RBMS1: variants seen among roughly 807,000 people sequenced by gnomAD.
RBMS1 encodes the protein RNA-binding motif, single-stranded-interacting protein 1.
RBMS1 carries 17 observed loss-of-function variants against 62.3 expected under a neutral mutation model. The observed-to-expected ratio is 0.27, with a 90% CI of 0.19 to 0.41. RBMS1 has a LOEUF of 0.41. Among genes scored for constraint, RBMS1 ranks in the 10% least tolerant of loss-of-function variants. The pLI is 1.00. For synonymous variants in RBMS1, 172 were observed against 170.0 expected (o/e 1.01, Z -0.09); for missense variants, 334 against 504.5 (o/e 0.66, Z 3.24).
rs950353835 is a variant in RBMS1 at position 160,489,368 on chromosome 2, T to C, written c.75+3921A>G. 3.9e-5 allele frequency among the ~76,000 whole-genome samples: 6 copies of C among 152,326 alleles called. No homozygotes were observed. In the East Asian group the frequency reaches 9.6e-4, roughly 24 times the overall value. ...ACTTTATTTACATCATAAATGTGGT[T>C]ACTTCTTATGACACAAAGCGCCCCA... is the stretch of plus-strand genomic sequence containing the variant. On this transcript the variant is annotated intron_variant, in intron 1 of 13. Coordinates refer to ENST00000348849, the MANE Select transcript of RBMS1 (RefSeq NM_016836.4).
chr2:160,445,085 C>G (rs1164687424), intron 1 of RBMS1, among the ~76,000 whole-genome samples: 1 of 152,160 alleles, frequency 6.6e-6, no homozygotes, highest in Admixed American at 6.6e-5. Flanking sequence ...AATAAAAGAT[C>G]TAATTTTTAC....
chr2:160,477,459 G>A (rs1169606930), intron 1 of RBMS1, among the ~76,000 whole-genome samples: 1 of 152,128 alleles, frequency 6.6e-6, no homozygotes, highest in African/African-American at 2.4e-5. Context: ...AGGCTGCAGT[G>A]CAGTGCCACA....
At chr2:160,361,073 T>C (rs1319030676) in intron 2 of RBMS1, among the ~76,000 whole-genome samples, 2 of 152,222 alleles carry the variant, frequency 1.3e-5, no homozygotes, top group Admixed American at 1.3e-4. Context: ...TTACTGCACT[T>C]GGAAACAAGT....
At chr2:160,397,775 A>G (rs1252920504) in intron 1 of RBMS1, among the ~76,000 whole-genome samples, 1 of 151,992 alleles carries the variant, frequency 6.6e-6, no homozygotes, top group Admixed American at 6.6e-5. Flanking sequence ...GCCCTTTACT[A>G]GGCTTTTGTC....
chr2:160,462,833 T>C (rs1684523258), intron 1 of RBMS1, among the ~76,000 whole-genome samples: 1 of 151,988 alleles, frequency 6.6e-6, no homozygotes, highest in South Asian at 2.1e-4. Flanking sequence ...TGACCTCAGG[T>C]GATCCACCCG....
chr2:160,282,416 C>T, intron 9 of RBMS1: 1 of 843,218 alleles, frequency 1.2e-6, no homozygotes. Flanking sequence ...TTTCTCAAAT[C>T]CAATTGCATA....
At chr2:160,306,342 G>C (rs1228864014) in intron 4 of RBMS1, among the ~76,000 whole-genome samples, 2 of 152,064 alleles carry the variant, frequency 1.3e-5, no homozygotes, top group Non-Finnish European at 2.9e-5. Context: ...GATTCAACTT[G>C]AAAGTTTACC....
intron 1 of RBMS1, among the ~76,000 whole-genome samples, chr2:160,485,775 C>T (rs958972097): frequency 2.6e-5 from 4 of 151,404 alleles, no homozygotes; most frequent in African/African-American, 9.7e-5. Flanking sequence ...GGAATGAAAC[C>T]TAAAAAGAGG....
intron 1 of RBMS1, among the ~76,000 whole-genome samples, chr2:160,388,475 C>T (rs1049794514): frequency 1.3e-5 from 2 of 152,124 alleles, no homozygotes; most frequent in Admixed American, 6.6e-5. Context: ...ACCCAGTGCC[C>T]CTGCTAAGCT....
intron 1 of RBMS1, among the ~76,000 whole-genome samples, chr2:160,465,228 G>A (rs1574093312): frequency 6.6e-6 from 1 of 152,306 alleles, no homozygotes; most frequent in East Asian, 1.9e-4. Context: ...CATTATGATT[G>A]TACTTCCAAC....
At chr2:160,457,198 T>G (rs1684275393) in intron 1 of RBMS1, among the ~76,000 whole-genome samples, 1 of 152,122 alleles carries the variant, frequency 6.6e-6, no homozygotes, top group South Asian at 2.1e-4. Flanking sequence ...TGGTGCGATC[T>G]CAGTTCACTG....
chr2:160,286,240 T>C (rs1191602564), intron 7 of RBMS1, among the ~76,000 whole-genome samples: 1 of 147,326 alleles, frequency 6.8e-6, no homozygotes, highest in Non-Finnish European at 1.5e-5. Flanking sequence ...TTCAAGGTTG[T>C]GGTAGGCTAT....
chr2:160,278,660 T>C lies in RBMS1; in HGVS notation c.952-2A>G. The C allele has an allele frequency of 1.2e-6, 2 of 1,604,392 alleles. No homozygotes were observed. The highest frequency in any genetic ancestry group is 1.7e-6 in the Non-Finnish European group (2 of 1,174,544). ...CATTGAGGGAGTTAACACGGCACCCTGGGGAGTTGGAGACAGGAGCAAAAT... is the reference window on the plus strand; with the variant it reads ...CATTGAGGGAGTTAACACGGCACCCCGGGGAGTTGGAGACAGGAGCAAAAT... On this transcript the variant is annotated splice_acceptor_variant, in intron 10 of 13. Transcript: ENST00000348849. LOFTEE classifies it high-confidence loss of function.
chr2:160,320,272 A>T (rs1690481829), intron 2 of RBMS1, among the ~76,000 whole-genome samples: 1 of 152,194 alleles, frequency 6.6e-6, no homozygotes. Flanking sequence ...GTTCGAGACC[A>T]GGCTGGGCAA....
chr2:160,275,725 C>T lies in RBMS1; in HGVS notation c.1144-11G>A, dbSNP rs774144748. ...TTGACCACTTGCCTCCTACAACAAA[C>T]AAAGCAGAATGGATGAGACATGTTA... On this transcript the variant is annotated splice_polypyrimidine_tract_variant and intron_variant, in intron 12 of 13. Transcript: ENST00000348849. 15 of 1,613,526 alleles carry T rather than the reference C, an allele frequency of 9.3e-6. No homozygotes were observed. The highest frequency in any genetic ancestry group is 8.3e-5 in the Admixed American group (5 of 59,994).
chr2:160,362,317 A>C (rs1040085930), intron 2 of RBMS1, among the ~76,000 whole-genome samples: 2 of 152,220 alleles, frequency 1.3e-5, no homozygotes, highest in Admixed American at 1.3e-4. Flanking sequence ...CAAGAGACCT[A>C]GCTTTCGGCC....
At chr2:160,437,409 G>A (rs1313796610) in intron 1 of RBMS1, among the ~76,000 whole-genome samples, 1 of 152,214 alleles carries the variant, frequency 6.6e-6, no homozygotes, top group East Asian at 1.9e-4. Context: ...AATCCACAAA[G>A]CAGTCTACCT....
At chr2:160,331,249 CGCTATACA>C (rs1340416024) in intron 2 of RBMS1, among the ~76,000 whole-genome samples, 1 of 152,172 alleles carries the variant, frequency 6.6e-6, no homozygotes, top group Non-Finnish European at 1.5e-5. Flanking sequence ...GCCTGTATAT[CGCTATACA>C]GGTCCCTGTC....
intron 4 of RBMS1, 74 bp downstream of exon 4, chr2:160,313,082 T>G: frequency 7.0e-7 from 1 of 1,420,108 alleles, no homozygotes; most frequent in Non-Finnish European, 9.8e-7. Flanking sequence ...CAGATGCAGA[T>G]AGAAAAAGCA....
Sources: allele counts gnomAD v4.1 joint callset (sites outside exome capture counted in the v4.1 genomes callset), GRCh38; gene constraint gnomAD v4.1.1; transcripts MANE v1.5; gene names NCBI Gene and HGNC (gene_info 2026-07-23, HGNC 2026-07-21).